Variants in CHEK2 observed in about 807,000 individuals in gnomAD.
CHEK2 encodes serine/threonine-protein kinase Chk2.
CHEK2 carries 71 observed loss-of-function variants against 69.1 expected under a neutral mutation model. The observed-to-expected ratio is 1.03, with a 90% CI of 0.85 to 1.25. The LOEUF (loss-of-function observed/expected upper bound fraction) is 1.25. CHEK2 is among the 50% of genes most tolerant of loss of function. The pLI is 0.00. For synonymous variants in CHEK2, 189 were observed against 226.9 expected (o/e 0.83, Z 1.50); for missense variants, 664 against 649.6 (o/e 1.02, Z -0.24).
chr22:28,729,915 G>T (rs767678786), intron 2 of CHEK2, among the ~76,000 whole-genome samples: 26 of 151,900 alleles, frequency 1.7e-4, no homozygotes, highest in Non-Finnish European at 3.5e-4. Flanking sequence ...AGAGCAACCA[G>T]CCAGAAAGCA....
Position 28,703,575 on chromosome 22 carries a change from AGG to A in CHEK2, c.847-11_847-10del. 6.5e-7 allele frequency: 1 copy of A among 1,544,112 alleles called. No individual in the cohort carries two copies. Among genetic ancestry groups the A allele is most frequent in the South Asian group, 1.1e-5 (1 of 87,506 alleles). ...ATCTTGATGATGCAAGGCTAAGAAG[AGG>A]GGGAGAAAAAAGGGAAAGTAGTGAG... On this transcript the variant is annotated splice_polypyrimidine_tract_variant and intron_variant, in intron 7 of 14. Transcript: ENST00000404276.
At chr22:28,708,363 ATGTGTGTGTGTG>A (rs10694007) in intron 7 of CHEK2, among the ~76,000 whole-genome samples, 3 of 139,668 alleles carry the variant, frequency 2.1e-5, no homozygotes, top group African/African-American at 5.4e-5. Flanking sequence ...CTCTAAAAAT[ATGTGTGTGTGTG>A]TGTGTGTGTG....
At chr22:28,708,363 ATG>A (rs10694007) in intron 7 of CHEK2, among the ~76,000 whole-genome samples, 9,957 of 139,570 alleles carry the variant, frequency 0.071, 402 homozygotes, top group Middle Eastern at 0.1. Flanking sequence ...CTCTAAAAAT[ATG>A]TGTGTGTGTG....
At chr22:28,705,317 TC>T (rs1238519721) in intron 7 of CHEK2, among the ~76,000 whole-genome samples, 5 of 151,874 alleles carry the variant, frequency 3.3e-5, no homozygotes, top group Non-Finnish European at 7.4e-5. Flanking sequence ...GACCTCGTGA[TC>T]CACCCGCCTC....
chr22:28,717,272 G>A (rs764297392), intron 5 of CHEK2, among the ~76,000 whole-genome samples: 1 of 152,046 alleles, frequency 6.6e-6, no homozygotes, highest in Admixed American at 6.6e-5. Context: ...CAGCTACTTG[G>A]GTGACTGAGT....
At chr22:28,709,981 G>A in intron 7 of CHEK2, 25 bp downstream of exon 7, 3 of 1,221,242 alleles carry the variant, frequency 2.5e-6, no homozygotes, top group Non-Finnish European at 3.6e-6. Flanking sequence ...ATAAATCTAA[G>A]TATGAGTCAT....
rs758555487 is a variant in CHEK2 at position 28,687,936 on chromosome 22, C to T, written c.1593G>A (p.Glu531=). 1.1e-4 allele frequency: 168 copies of T among 1,596,422 alleles called. 1 individual carries two copies. The South Asian group carries it at 1.6e-3, about 15-fold the overall frequency. ...CACACACAGCTGGGCGCTTTGTGGT[C>T]TCGGCACCCTCGGCTTCCCCTTCAC... ...RPREGEAEGA[E]TTKRPAVCAA... The change falls in exon 15 of 15, where the codon GAG becomes GAA. Residue 531 remains glutamate, a synonymous_variant. Transcript: ENST00000404276.
intron 12 of CHEK2, among the ~76,000 whole-genome samples, chr22:28,694,719 A>G (rs2052495158): frequency 6.6e-6 from 1 of 152,242 alleles, no homozygotes. Flanking sequence ...AACTAATGAC[A>G]TCTAGTTTTT....
chr22:28,710,814 C>T (rs2053365856), intron 6 of CHEK2, among the ~76,000 whole-genome samples: 2 of 152,178 alleles, frequency 1.3e-5, no homozygotes, highest in Admixed American at 6.5e-5. Context: ...AACTCATTAC[C>T]AAGTCAGGGT....
rs1338238773 is a variant in CHEK2, at chr22:28,689,154, A to G, written c.1523T>C (p.Leu508Pro). 3.8e-6 allele frequency: 6 copies of G among 1,594,618 alleles called. No individual in the cohort carries two copies. The highest frequency in any genetic ancestry group is 1.3e-5 in the African/African-American group (1 of 74,960). Reference protein sequence around the residue: ...LLSEENESTALPQVLAQPSTS... With the variant: ...LLSEENESTAPPQVLAQPSTS... ...GAATACCTGGGCTAGAACCTGGGGT[A>G]GAGCTGTGGATTCATTTTCCTCAGA... The change falls in exon 14 of 15, where the codon CTA becomes CCA. Residue 508 changes from leucine (L) to proline (P), a missense_variant. Coordinates refer to ENST00000404276, the MANE Select transcript of CHEK2 (RefSeq NM_007194.4).
At chr22:28,730,096 G>A (rs945034406) in intron 2 of CHEK2, among the ~76,000 whole-genome samples, 3 of 150,154 alleles carry the variant, frequency 2.0e-5, no homozygotes, top group Admixed American at 6.7e-5. Context: ...GCCCACCTCA[G>A]CCTCCCAAAG....
intron 14 of CHEK2, among the ~76,000 whole-genome samples, chr22:28,688,622 T>C (rs2052218832): frequency 6.6e-6 from 1 of 151,562 alleles, no homozygotes; most frequent in Non-Finnish European, 1.5e-5. Flanking sequence ...TGAGCTGAGA[T>C]TGCACCACTG....
chr22:28,731,833 G>A (rs1235239967), intron 2 of CHEK2, among the ~76,000 whole-genome samples: 1 of 151,788 alleles, frequency 6.6e-6, no homozygotes, highest in African/African-American at 2.4e-5. Flanking sequence ...CAGCCTCTTT[G>A]TTTTCTTACT....
At chr22:28,713,944 G>C (rs1294116904) in intron 5 of CHEK2, among the ~76,000 whole-genome samples, 2 of 152,196 alleles carry the variant, frequency 1.3e-5, no homozygotes, top group Non-Finnish European at 2.9e-5. Context: ...GCCTCCCAAA[G>C]TGCTGGGATT....
intron 8 of CHEK2, among the ~76,000 whole-genome samples, chr22:28,702,151 G>A (rs979161382): frequency 6.6e-6 from 1 of 150,796 alleles, no homozygotes; most frequent in African/African-American, 2.4e-5. Flanking sequence ...GTGTGTGTGT[G>A]TGTGTGTGTG....
intron 9 of CHEK2, among the ~76,000 whole-genome samples, chr22:28,697,294 T>C (rs2052630455): frequency 6.6e-6 from 1 of 152,124 alleles, no homozygotes; most frequent in Non-Finnish European, 1.5e-5. Context: ...TTCAAATGGG[T>C]AACAGAAAAT....
At chr22:28,710,090 GTAA>G (rs2053339905) in intron 6 of CHEK2, 31 bp from the exon 7 acceptor site, 1 of 1,391,464 alleles carries the variant, frequency 7.2e-7, no homozygotes, top group South Asian at 1.2e-5. Flanking sequence ...GAGTTTATTA[GTAA>G]TAATAATTGC....
chr22:28,692,741 G>A (rs202086561), intron 13 of CHEK2, among the ~76,000 whole-genome samples: 319 of 142,418 alleles, frequency 2.2e-3, no homozygotes, highest in South Asian at 4.3e-3. Flanking sequence ...GTTTGGCTTT[G>A]TGTCCCTACC....
At chr22:28,698,228 TAAA>T (rs398040472) in intron 9 of CHEK2, among the ~76,000 whole-genome samples, 15 of 81,898 alleles carry the variant, frequency 1.8e-4, no homozygotes, top group African/African-American at 3.1e-4. Context: ...CTATCTTTAC[TAAA>T]AAAAAAAAAA....
Sources: gnomAD v4.1 joint callset for allele counts (sites outside exome capture counted in the v4.1 genomes callset) on GRCh38, gnomAD v4.1.1 for gene constraint, MANE v1.5 for transcripts, NCBI Gene and HGNC (gene_info 2026-07-23, HGNC 2026-07-21) for gene names.